The following ADD3 variants were observed in gnomAD, a reference collection of about 807,000 sequenced individuals.
ADD3 encodes the protein adducin 3, also known as gamma-adducin.
In ADD3, 25 loss-of-function variants were observed where a neutral mutation model predicts 80.2. The ratio of observed to expected loss-of-function variants is 0.31; its 90% CI spans 0.23 to 0.44. ADD3 has a LOEUF of 0.44. ADD3 is among the 20% of genes least tolerant of loss of function. The pLI is 1.00. For missense variants in ADD3, 829 were observed against 847.5 expected, an observed-to-expected ratio of 0.98 and a Z score of 0.27; for synonymous variants, 284 against 289.6, an observed-to-expected ratio of 0.98 and a Z score of 0.20.
intron 1 of ADD3, among the ~76,000 whole-genome samples, chr10:110,049,715 G>A (rs557993314): frequency 2.6e-5 from 4 of 152,090 alleles, no homozygotes; most frequent in East Asian, 1.9e-4. Context: ...GTGAAACCCC[G>A]TCTCTACTAA....
At chr10:110,080,495 A>G (rs955941744) in intron 1 of ADD3, among the ~76,000 whole-genome samples, 2 of 152,232 alleles carry the variant, frequency 1.3e-5, no homozygotes, top group African/African-American at 2.4e-5. Flanking sequence ...AAGAATGTAA[A>G]AAAGGAAAGT....
At chr10:110,109,553 T>A (rs1294392408) in intron 2 of ADD3, among the ~76,000 whole-genome samples, 1 of 152,230 alleles carries the variant, frequency 6.6e-6, no homozygotes, top group Non-Finnish European at 1.5e-5. Flanking sequence ...TTGTAATATA[T>A]GTAATGAGTG....
intron 1 of ADD3, among the ~76,000 whole-genome samples, chr10:110,033,849 T>A (rs371872571): frequency 1.3e-5 from 2 of 152,210 alleles, no homozygotes; most frequent in Non-Finnish European, 2.9e-5. Flanking sequence ...TTATTAGGAT[T>A]AACTCATCTG....
chr10:110,064,126 T>TA (rs1843620606), intron 1 of ADD3, among the ~76,000 whole-genome samples: 1 of 152,170 alleles, frequency 6.6e-6, no homozygotes, highest in Non-Finnish European at 1.5e-5. Flanking sequence ...TTTATGAACA[T>TA]AAAATAATTC....
At chr10:110,069,233 A>G (rs1202858817) in intron 1 of ADD3, among the ~76,000 whole-genome samples, 1 of 152,194 alleles carries the variant, frequency 6.6e-6, no homozygotes, top group African/African-American at 2.4e-5. Flanking sequence ...GGTTGTCATG[A>G]TTGTATATGC....
chr10:110,026,381 A>G (rs1854307157), intron 1 of ADD3, among the ~76,000 whole-genome samples: 1 of 151,402 alleles, frequency 6.6e-6, no homozygotes. Context: ...TCCCGGTTCA[A>G]GCAATTCTCC....
intron 1 of ADD3, among the ~76,000 whole-genome samples, chr10:110,041,221 A>T (rs1428473527): frequency 3.3e-5 from 5 of 152,226 alleles, no homozygotes; most frequent in Non-Finnish European, 1.5e-5. Context: ...GTTTGACAGG[A>T]CTGTAAATAA....
chr10:110,025,242 G>C (rs1355191344), intron 1 of ADD3, among the ~76,000 whole-genome samples: 1 of 151,826 alleles, frequency 6.6e-6, no homozygotes, highest in Non-Finnish European at 1.5e-5. Flanking sequence ...TTCCACTAAG[G>C]CAGAGGTATA....
At chr10:110,068,716 G>A (rs2133609255) in intron 1 of ADD3, among the ~76,000 whole-genome samples, 1 of 152,304 alleles carries the variant, frequency 6.6e-6, no homozygotes, top group South Asian at 2.1e-4. Context: ...TTTAGATGTT[G>A]TAGGTGTGAA....
At chr10:110,122,688 A>G (rs896483953) in intron 9 of ADD3, among the ~76,000 whole-genome samples, 2 of 149,834 alleles carry the variant, frequency 1.3e-5, no homozygotes, top group Middle Eastern at 3.2e-3. Flanking sequence ...TGACACAATC[A>G]GGGCTCACTT....
At chr10:110,049,225 G>T (rs919571102) in intron 1 of ADD3, among the ~76,000 whole-genome samples, 2 of 152,228 alleles carry the variant, frequency 1.3e-5, no homozygotes, top group African/African-American at 4.8e-5. Flanking sequence ...GTATGGAAAC[G>T]CCTGGATTCC....
chr10:110,131,586 TCATC>T (rs1389793218), intron 13 of ADD3, among the ~76,000 whole-genome samples: 1 of 152,238 alleles, frequency 6.6e-6, no homozygotes, highest in East Asian at 1.9e-4. Flanking sequence ...GACATCTTGA[TCATC>T]CAAGGAACAG....
At chr10:110,052,630 T>G (rs1247456378) in intron 1 of ADD3, among the ~76,000 whole-genome samples, 1 of 152,246 alleles carries the variant, frequency 6.6e-6, no homozygotes, top group African/African-American at 2.4e-5. Context: ...TCTATGCTAA[T>G]AAATGTTTAG....
intron 1 of ADD3, among the ~76,000 whole-genome samples, chr10:110,089,031 G>A (rs1301030679): frequency 6.6e-6 from 1 of 152,124 alleles, no homozygotes; most frequent in Admixed American, 6.5e-5. Context: ...ATAGGTAGAT[G>A]TAAGATTGGA....
upstream of ADD3, among the ~76,000 whole-genome samples, chr10:110,003,277 A>T (rs1374775461): frequency 7.1e-6 from 1 of 140,884 alleles, no homozygotes; most frequent in Non-Finnish European, 1.5e-5. Flanking sequence ...CAAAGCTGAG[A>T]AGTTGTTAAA....
At chr10:110,029,311 G>T (rs529263897) in intron 1 of ADD3, among the ~76,000 whole-genome samples, 1 of 152,284 alleles carries the variant, frequency 6.6e-6, no homozygotes, top group East Asian at 1.9e-4. Context: ...GTAGTAATTG[G>T]AACTAAGGAA....
intron 1 of ADD3, among the ~76,000 whole-genome samples, chr10:110,028,686 G>A (rs921937386): frequency 6.6e-6 from 1 of 152,180 alleles, no homozygotes; most frequent in African/African-American, 2.4e-5. Flanking sequence ...TATCTGAAAA[G>A]TTCAGAAAAT....
intron 12 of ADD3, among the ~76,000 whole-genome samples, chr10:110,129,595 C>G (rs190440983): frequency 3.3e-4 from 50 of 152,278 alleles, no homozygotes; most frequent in African/African-American, 1.2e-3. Context: ...TTCCTTACCA[C>G]CACCTTCTAT....
chr10:110,079,453 AGAGAGAGAGT>A (rs1478036514), intron 1 of ADD3, among the ~76,000 whole-genome samples: 1,385 of 132,730 alleles, frequency 0.01, 14 homozygotes, highest in African/African-American at 0.036. Context: ...AGAGAGAGAG[AGAGAGAGAGT>A]GTGTGTGTGT....
Sources: gnomAD v4.1 joint callset for allele counts (sites outside exome capture counted in the v4.1 genomes callset) on GRCh38, gnomAD v4.1.1 for gene constraint, MANE v1.5 for transcripts, NCBI Gene and HGNC (gene_info 2026-07-23, HGNC 2026-07-21) for gene names.